ZWILCH: variants seen among roughly 807,000 people sequenced by gnomAD.
The protein encoded by ZWILCH is protein zwilch homolog.
Under a neutral mutation model 79.9 loss-of-function variants are expected in ZWILCH, and 74 were observed. The ratio of observed to expected loss-of-function variants is 0.93; its 90% CI spans 0.77 to 1.12. ZWILCH has a LOEUF of 1.12. Among genes scored for constraint, ZWILCH ranks in the 50% most tolerant of loss-of-function variants. ZWILCH has a pLI of 0.00. For synonymous variants in ZWILCH, 241 were observed against 228.2 expected, an observed-to-expected ratio of 1.06 and a Z score of -0.51; for missense variants, 694 against 687.5, an observed-to-expected ratio of 1.01 and a Z score of -0.11.
intron 12 of ZWILCH, among the ~76,000 whole-genome samples, chr15:66,531,231 G>A (rs1010826364): frequency 9.9e-5 from 15 of 152,120 alleles, no homozygotes; most frequent in Non-Finnish European, 1.8e-4. Context: ...GGACCATTGA[G>A]GGAGCTTGTT....
chr15:66,510,204 T>TAAATAAAATAAAATAAAATAAAATA lies in ZWILCH; in HGVS notation c.105+1332_105+1333insAAATAAAATAAAATAAAATAAAATA, dbSNP rs569377201. Among the ~76,000 whole-genome samples, 868 of 138,548 alleles carry TAAATAAAATAAAATAAAATAAAATA rather than the reference T, an allele frequency of 6.3e-3. 8 individuals carry two copies. Among genetic ancestry groups the TAAATAAAATAAAATAAAATAAAATA allele is most frequent in the Middle Eastern group, 0.023 (6 of 262 alleles). The allele number at this position is 138,548 out of a possible 152,430, so 90.9% of individuals were successfully genotyped here. On this transcript the variant is annotated intron_variant, in intron 2 of 18. Coordinates refer to ENST00000307897, the MANE Select transcript of ZWILCH (RefSeq NM_017975.5). ...AATAAAATAAAATAATAAAATAAAA[T>TAAATAAAATAAAATAAAATAAAATA]AAATAAAATAAAATAAAATATAAAA... is the stretch of plus-strand genomic sequence containing the variant.
chr15:66,527,861 A>C lies in ZWILCH; in HGVS notation c.918A>C (p.Leu306Phe). The C allele has an allele frequency of 6.3e-7, 1 of 1,598,890 alleles. No individual in the cohort carries two copies. Among genetic ancestry groups the C allele is most frequent in the Non-Finnish European group, 8.5e-7 (1 of 1,176,396 alleles). Residue 306 changes from leucine (L) to phenylalanine (F), a missense_variant, in exon 10 of 19, where the codon TTA becomes TTC. Physicochemically the swap from Leu to Phe is conservative, Grantham distance 22. Coordinates refer to ENST00000307897, the MANE Select transcript of ZWILCH (RefSeq NM_017975.5). ...VELVQEFLND[L>F]NKLDGFGDST... is the part of the protein sequence containing the mutation. The stretch of plus-strand genomic sequence containing the variant: ...TAAACTTTTGCCACTTTCTAGACTT[A>C]AATAAGCTGGATGGATTTGGTGATT...
At chr15:66,527,267 T>G in intron 8 of ZWILCH, 23 bp from the exon 9 acceptor site, 2 of 1,578,842 alleles carry the variant, frequency 1.3e-6, no homozygotes, top group Non-Finnish European at 1.7e-6. Context: ...AACAAGTTTT[T>G]GGGGTTTTTA....
intron 7 of ZWILCH, among the ~76,000 whole-genome samples, chr15:66,521,908 A>C (rs764170504): frequency 7.9e-5 from 12 of 152,220 alleles, no homozygotes; most frequent in Non-Finnish European, 1.6e-4. Context: ...TTAAGAAATC[A>C]GTCAAAATTG....
At chr15:66,528,743 CTT>C in intron 10 of ZWILCH, 107 bp from the exon 11 acceptor site, 1 of 846,820 alleles carries the variant, frequency 1.2e-6, no homozygotes, top group Non-Finnish European at 1.9e-6. Context: ...TCGTTCATAT[CTT>C]TGTGTGTGTT....
chr15:66,521,943 T>C (rs1894509406), intron 7 of ZWILCH, among the ~76,000 whole-genome samples: 1 of 152,146 alleles, frequency 6.6e-6, no homozygotes, highest in African/African-American at 2.4e-5. Flanking sequence ...CTCATGCCTA[T>C]AATCCCAGCA....
chr15:66,525,756 C>CTTTTTT (rs66835007), intron 8 of ZWILCH, among the ~76,000 whole-genome samples: 526 of 93,384 alleles, frequency 5.6e-3, no homozygotes, highest in Non-Finnish European at 7.7e-3. Flanking sequence ...TCACATTTTT[C>CTTTTTT]TTTTTTTTTT....
intron 17 of ZWILCH, among the ~76,000 whole-genome samples, chr15:66,544,555 T>G (rs1020638059): frequency 1.3e-5 from 2 of 151,944 alleles, no homozygotes; most frequent in African/African-American, 4.8e-5. Context: ...TGGCCAGGAG[T>G]TCTCAAACTC....
intron 3 of ZWILCH, chr15:66,514,337 G>T (rs570368334): frequency 2.4e-5 from 5 of 206,260 alleles, no homozygotes; most frequent in Non-Finnish European, 4.9e-5. Context: ...ATGGAGTCTC[G>T]CTCCGTCACT....
At chr15:66,537,549 G>A (rs572000487) in intron 16 of ZWILCH, among the ~76,000 whole-genome samples, 1 of 151,966 alleles carries the variant, frequency 6.6e-6, no homozygotes, top group Non-Finnish European at 1.5e-5. Context: ...AAATTAGCTG[G>A]GCATGGTGGC....
chr15:66,514,161 C>T lies in ZWILCH; in HGVS notation c.201+78C>T, dbSNP rs1359299304. The T allele has an allele frequency of 2.5e-5, 24 of 970,636 alleles. No individual in the cohort carries two copies. In the South Asian group the frequency reaches 3.4e-4, roughly 14 times the overall value. The allele number at this position is 970,636 out of a possible 1,614,324, so 60.1% of individuals were successfully genotyped here. ...TTTCTTGGGAATAATCTAACGTACA[C>T]GTTTTAAAATCAGCATCGGTGAAAA... On this transcript the variant is annotated intron_variant, in intron 3 of 18. Transcript: ENST00000307897.
intron 8 of ZWILCH, 49 bp downstream of exon 8, chr15:66,523,797 C>A (rs35996387): frequency 0.07 from 99,693 of 1,419,898 alleles, 3,840 homozygotes; most frequent in Middle Eastern, 0.12. Flanking sequence ...TTTTTATAAA[C>A]ATGTGTGCTA....
At chr15:66,546,567 A>T in intron 17 of ZWILCH, 24 bp from the exon 18 acceptor site, 2 of 1,558,336 alleles carry the variant, frequency 1.3e-6, no homozygotes, top group Non-Finnish European at 1.8e-6. Flanking sequence ...AGCAATTCTG[A>T]TCTCACTCTC....
In ZWILCH at chr15:66,548,839, T is replaced by G. The variant is rs138643829; in HGVS notation, c.*515T>G. The stretch of plus-strand genomic sequence containing the variant: ...TGGGATAAATGCCTGAATTTGGTTC[T>G]TCTACAGGTGCTATAATAAAGTCCA... On this transcript the variant is annotated 3_prime_UTR_variant, in exon 19 of 19. Coordinates refer to ENST00000307897, the MANE Select transcript of ZWILCH (RefSeq NM_017975.5). 970 of 292,480 alleles carry G rather than the reference T, an allele frequency of 3.3e-3. 3 individuals carry two copies. The highest frequency in any genetic ancestry group is 7.4e-3 in the Middle Eastern group (7 of 952). 18.1% of individuals were successfully genotyped at this position (292,480 alleles called of 1,614,324 possible). A position where few individuals can be genotyped will look rare whatever the true frequency, so the allele number is the denominator to read the frequency against.
chr15:66,533,078 TAACTGC>T, intron 14 of ZWILCH, 65 bp downstream of exon 14: 1 of 1,103,028 alleles, frequency 9.1e-7, no homozygotes, highest in South Asian at 1.6e-5. Flanking sequence ...GTGCAGTTAT[TAACTGC>T]CAATAATATG....
At chr15:66,508,400 C>G (rs1893906598) in intron 1 of ZWILCH, among the ~76,000 whole-genome samples, 1 of 152,222 alleles carries the variant, frequency 6.6e-6, no homozygotes, top group African/African-American at 2.4e-5. Flanking sequence ...CCATAGAAAT[C>G]TAAGGCCTAG....
intron 12 of ZWILCH, among the ~76,000 whole-genome samples, chr15:66,530,540 G>A (rs1894822766): frequency 6.6e-6 from 1 of 152,212 alleles, no homozygotes; most frequent in Admixed American, 6.5e-5. Context: ...AGGAGGCTGA[G>A]GCAGGAGAAT....
At chr15:66,527,219 T>C in intron 8 of ZWILCH, 71 bp from the exon 9 acceptor site, 1 of 1,044,652 alleles carries the variant, frequency 9.6e-7, no homozygotes, top group Non-Finnish European at 1.5e-6. Flanking sequence ...AATATTATTA[T>C]TACATACATC....
At chr15:66,537,942 GA>G (rs1216686821) in intron 16 of ZWILCH, among the ~76,000 whole-genome samples, 1 of 152,158 alleles carries the variant, frequency 6.6e-6, no homozygotes, top group East Asian at 1.9e-4. Context: ...TTCCTTCAGA[GA>G]AGAGTGGAAA....
Sources: gnomAD v4.1 joint callset for allele counts (sites outside exome capture counted in the v4.1 genomes callset) on GRCh38, gnomAD v4.1.1 for gene constraint, MANE v1.5 for transcripts, NCBI Gene and HGNC (gene_info 2026-07-23, HGNC 2026-07-21) for gene names.